Variants in CPNE1 observed in about 807,000 individuals in gnomAD.
CPNE1 encodes copine 1.
Under a neutral mutation model 63.2 loss-of-function variants are expected in CPNE1, and 58 were observed. The ratio of observed to expected loss-of-function variants is 0.92; its 90% CI spans 0.74 to 1.14. The LOEUF is 1.14. CPNE1 is among the 50% of genes most tolerant of loss of function. The probability of loss-of-function intolerance (pLI) is 0.00; values close to 1 mark genes in which losing one functional copy is unlikely to be tolerated. For synonymous variants in CPNE1, 237 were observed against 249.0 expected, an observed-to-expected ratio of 0.95 and a Z score of 0.45; for missense variants, 672 against 661.7, an observed-to-expected ratio of 1.02 and a Z score of -0.17.
intron 1 of CPNE1, chr20:35,655,409 A>G: frequency 1.5e-6 from 2 of 1,350,388 alleles, no homozygotes; most frequent in Non-Finnish European, 1.0e-6. Flanking sequence ...TTTTAGCTAC[A>G]AGAATGACCA....
At chr20:35,654,588 C>T (rs780857714) in intron 1 of CPNE1, 23 of 1,614,050 alleles carry the variant, frequency 1.4e-5, no homozygotes, top group Middle Eastern at 3.3e-4. Flanking sequence ...GATTCAAGGG[C>T]GGCATGCCCG....
chr20:35,648,349 T>C (rs1051357404), intron 1 of CPNE1, among the ~76,000 whole-genome samples: 4 of 152,258 alleles, frequency 2.6e-5, no homozygotes, highest in Non-Finnish European at 4.4e-5. Context: ...ATGCACATAG[T>C]TGATAAACTA....
chr20:35,636,193 T>C (rs892156875), intron 1 of CPNE1, among the ~76,000 whole-genome samples: 3 of 152,224 alleles, frequency 2.0e-5, no homozygotes, highest in African/African-American at 7.2e-5. Context: ...CTGACCATCC[T>C]GATCACTCCC....
intron 1 of CPNE1, chr20:35,652,848 A>C (rs2033623010): frequency 6.2e-7 from 1 of 1,610,128 alleles, no homozygotes; most frequent in African/African-American, 1.3e-5. Flanking sequence ...GGCCAGGCCC[A>C]AAAGCTGGTG....
intron 1 of CPNE1, among the ~76,000 whole-genome samples, chr20:35,635,250 C>A (rs934170942): frequency 5.3e-5 from 8 of 152,072 alleles, no homozygotes; most frequent in Admixed American, 1.3e-4. Flanking sequence ...TTGCATACCC[C>A]TTTTTTGCTT....
At position 35,653,341 on chromosome 20, in the gene CPNE1, C is replaced by G. The variant is rs745738666; in HGVS notation, c.-1+11419G>C. 5.0e-6 allele frequency: 8 copies of G among 1,613,910 alleles called. No individual in the cohort carries two copies. In the South Asian group the frequency reaches 8.8e-5, roughly 18 times the overall value. On this transcript the variant is annotated intron_variant, in intron 1 of 15. Coordinates refer to ENST00000397443, the MANE Select transcript of CPNE1 (RefSeq NM_152925.3). ...ACCGGGAAGTCCTGCACTGGGCAGT[C>G]CCACACCGGGCAGTCCCGCATTGGG... is the stretch of plus-strand genomic sequence containing the variant.
At chr20:35,640,948 G>A (rs2032767858) in intron 1 of CPNE1, among the ~76,000 whole-genome samples, 1 of 152,172 alleles carries the variant, frequency 6.6e-6, no homozygotes, top group African/African-American at 2.4e-5. Context: ...TTTGGGACTA[G>A]TCGGGTGTTG....
At position 35,654,985 on chromosome 20, in the gene CPNE1, A is replaced by C. The variant is rs2033809674; in HGVS notation, c.-1+9775T>G. The C allele has an allele frequency of 6.2e-7, 1 of 1,614,150 alleles. No individual in the cohort carries two copies. The highest frequency in any genetic ancestry group is 8.5e-7 in the Non-Finnish European group (1 of 1,180,016). Reference sequence around the variant, plus strand: ...TGTGGGCAAGTTTACCCTGCTACTCATTCCTGAGCTAGGTGGTGGTCCTGA... The same window carrying C: ...TGTGGGCAAGTTTACCCTGCTACTCCTTCCTGAGCTAGGTGGTGGTCCTGA... On this transcript the variant is annotated intron_variant, in intron 1 of 15. Coordinates refer to ENST00000397443, the MANE Select transcript of CPNE1 (RefSeq NM_152925.3).
chr20:35,655,306 C>T (rs747471647), intron 1 of CPNE1: 3 of 1,609,018 alleles, frequency 1.9e-6, no homozygotes, highest in Non-Finnish European at 2.5e-6. Flanking sequence ...ACCTTGCAAA[C>T]GGATGACCAC....
chr20:35,627,972 C>T (rs894776285), intron 13 of CPNE1, among the ~76,000 whole-genome samples: 2 of 146,222 alleles, frequency 1.4e-5, no homozygotes, highest in Admixed American at 6.7e-5. Context: ...TAGTGAGACC[C>T]CCGTCACTTA....
intron 1 of CPNE1, chr20:35,655,075 A>G: frequency 6.2e-7 from 1 of 1,614,168 alleles, no homozygotes; most frequent in Non-Finnish European, 8.5e-7. Flanking sequence ...ACTCAGTTCA[A>G]TCATATTCTG....
intron 2 of CPNE1, 25 bp downstream of exon 2, chr20:35,632,770 C>A (rs2032251004): frequency 1.1e-6 from 1 of 871,846 alleles, no homozygotes; most frequent in Non-Finnish European, 2.0e-6. Context: ...CCCTCCACAA[C>A]CTTAACCTCC....
chr20:35,638,634 C>A (rs2032625424), intron 1 of CPNE1, among the ~76,000 whole-genome samples: 1 of 152,194 alleles, frequency 6.6e-6, no homozygotes, highest in Non-Finnish European at 1.5e-5. Context: ...AGCGATTCCA[C>A]TCCTACATTT....
At chr20:35,655,487 T>A in intron 1 of CPNE1, 1 of 729,214 alleles carries the variant, frequency 1.4e-6, no homozygotes, top group Non-Finnish European at 2.2e-6. Context: ...TTAGATATTC[T>A]AAAAACTGAA....
intron 1 of CPNE1, chr20:35,653,811 T>C (rs1233486442): frequency 6.2e-7 from 1 of 1,613,936 alleles, no homozygotes; most frequent in Non-Finnish European, 8.5e-7. Flanking sequence ...TCTTAGTAAT[T>C]GGATGAACTT....
intron 1 of CPNE1, among the ~76,000 whole-genome samples, chr20:35,638,499 C>T (rs2032616092): frequency 6.6e-6 from 1 of 152,144 alleles, no homozygotes; most frequent in South Asian, 2.1e-4. Context: ...ATTAAAAAGA[C>T]CACCACCACC....
chr20:35,628,987 C>T (rs567127471), intron 13 of CPNE1, among the ~76,000 whole-genome samples: 111 of 152,332 alleles, frequency 7.3e-4, no homozygotes, highest in African/African-American at 2.5e-3. Context: ...CTCCAACACA[C>T]GTATACATGT....
Position 35,632,153 on chromosome 20 carries a change from C to T in CPNE1, c.456+10G>A. On this transcript the variant is annotated intron_variant, in intron 5 of 15. Coordinates refer to ENST00000397443, the MANE Select transcript of CPNE1 (RefSeq NM_152925.3). ...ACTCTTGGATTACCAGGGCCTACTT[C>T]CAGACACACCTTCTTATCTAGGTTT... is the stretch of plus-strand genomic sequence containing the variant. 6.2e-7 allele frequency: 1 copy of T among 1,613,852 alleles called. No homozygotes were observed. The highest frequency in any genetic ancestry group is 8.5e-7 in the Non-Finnish European group (1 of 1,179,720).
intron 1 of CPNE1, among the ~76,000 whole-genome samples, chr20:35,661,666 A>G (rs1180970042): frequency 6.6e-6 from 1 of 152,228 alleles, no homozygotes; most frequent in Non-Finnish European, 1.5e-5. Context: ...AATTTAACAT[A>G]TTATGGCAAG....
Sources: gnomAD v4.1 joint callset for allele counts (sites outside exome capture counted in the v4.1 genomes callset) on GRCh38, gnomAD v4.1.1 for gene constraint, MANE v1.5 for transcripts, NCBI Gene and HGNC (gene_info 2026-07-23, HGNC 2026-07-21) for gene names.